The following SLCO3A1 variants were observed in gnomAD, a reference collection of about 807,000 sequenced individuals.
SLCO3A1 encodes the protein PGE1 transporter.
A neutral mutation model predicts 63.1 loss-of-function variants in SLCO3A1; 27 were observed. The ratio of observed to expected loss-of-function variants is 0.43; its 90% CI spans 0.32 to 0.59. SLCO3A1 has a LOEUF of 0.59. Ranked by LOEUF, SLCO3A1 falls within the 20% of genes least tolerant of loss-of-function variation. The probability of loss-of-function intolerance (pLI) is 0.09; values close to 1 mark genes in which losing one functional copy is unlikely to be tolerated. For missense variants in SLCO3A1, 773 were observed against 945.8 expected (o/e 0.82, Z 2.40); for synonymous variants, 473 against 409.9 (o/e 1.15, Z -1.86).
intron 2 of SLCO3A1, among the ~76,000 whole-genome samples, chr15:91,934,526 GCCAGTATTCCCTGATGCATTTACT>G (rs1763927254): frequency 6.6e-6 from 1 of 152,202 alleles, no homozygotes; most frequent in South Asian, 2.1e-4. Flanking sequence ...TAATACATTT[GCCAGTATTCCCTGATGCATTTACT>G]CCAGGTTTTG....
At chr15:91,880,034 A>G (rs939264919) in intron 1 of SLCO3A1, among the ~76,000 whole-genome samples, 2 of 152,034 alleles carry the variant, frequency 1.3e-5, no homozygotes, top group Non-Finnish European at 2.9e-5. Context: ...TCTTTCATTT[A>G]GTCTCCTTGG....
At chr15:92,156,134 G>A (rs1482581581) in intron 9 of SLCO3A1, among the ~76,000 whole-genome samples, 1 of 152,174 alleles carries the variant, frequency 6.6e-6, no homozygotes, top group Non-Finnish European at 1.5e-5. Flanking sequence ...GCATCGTCTT[G>A]CATATGCCAA....
At position 91,854,091 on chromosome 15, in the gene SLCO3A1, G is replaced by T; in HGVS notation, c.180+3G>T. ...AGGGCACGGTGGGCGCCTACCTGGT[G>T]AGTCCCCGAGCCAACTCCGCCGCGG... is the stretch of plus-strand genomic sequence containing the variant. On this transcript the variant is annotated splice_donor_region_variant and intron_variant, in intron 1 of 9. Transcript: ENST00000318445. The surrounding 1 kb of genome is among the most constrained non-coding windows in gnomAD (Gnocchi z 6.4). The T allele has an allele frequency of 6.6e-7, 1 of 1,515,470 alleles. No homozygotes were observed. 93.9% of individuals were successfully genotyped at this position (1,515,470 alleles called of 1,614,324 possible).
At position 92,164,452 on chromosome 15, in the gene SLCO3A1, C is replaced by T. The variant is rs535219997; in HGVS notation, c.*1317C>T. 7.4e-5 allele frequency: 73 copies of T among 985,396 alleles called. No individual in the cohort carries two copies. The South Asian group carries it at 2.1e-3, about 29-fold the overall frequency. 61.0% of individuals were successfully genotyped at this position (985,396 alleles called of 1,614,324 possible). A position where few individuals can be genotyped will look rare whatever the true frequency, so the allele number is the denominator to read the frequency against. On this transcript the variant is annotated 3_prime_UTR_variant, in exon 10 of 10. Transcript: ENST00000318445. Reference sequence around the variant, plus strand: ...CCCCATGATTCAGTGATCACTGTCACGGGAAACCCTTTTATATTCATGCTT... The same window carrying T: ...CCCCATGATTCAGTGATCACTGTCATGGGAAACCCTTTTATATTCATGCTT...
At chr15:91,959,054 T>C (rs893688997) in intron 2 of SLCO3A1, among the ~76,000 whole-genome samples, 11 of 152,106 alleles carry the variant, frequency 7.2e-5, no homozygotes, top group African/African-American at 2.7e-4. Flanking sequence ...ATAAAGAAAA[T>C]GTGGCATATA....
intron 2 of SLCO3A1, among the ~76,000 whole-genome samples, chr15:92,026,290 T>G (rs2046573018): frequency 6.6e-6 from 1 of 152,108 alleles, no homozygotes; most frequent in Non-Finnish European, 1.5e-5. Context: ...ATCTGCAAAG[T>G]GAAGGAAAGA....
intron 1 of SLCO3A1, among the ~76,000 whole-genome samples, chr15:91,855,778 A>G (rs1231523160): frequency 6.6e-6 from 1 of 152,162 alleles, no homozygotes; most frequent in Non-Finnish European, 1.5e-5. Flanking sequence ...TGACATATGC[A>G]AAGTACATAA....
chr15:91,951,600 G>A (rs1900003274), intron 2 of SLCO3A1, among the ~76,000 whole-genome samples: 1 of 147,448 alleles, frequency 6.8e-6, no homozygotes, highest in African/African-American at 2.5e-5. Context: ...TTGTCATCCA[G>A]GCTGGAGTGC....
At chr15:91,931,206 C>T (rs963055091) in intron 2 of SLCO3A1, among the ~76,000 whole-genome samples, 9 of 152,162 alleles carry the variant, frequency 5.9e-5, no homozygotes, top group African/African-American at 1.2e-4. Flanking sequence ...CACGTAAACT[C>T]GGTTTTTCAT....
rs1900224328 is a variant in SLCO3A1 at position 91,957,024 on chromosome 15, A to AT, written c.646+40567dup. 6.1e-3 allele frequency among the ~76,000 whole-genome samples: 93 copies of AT among 15,348 alleles called. 41 individuals carry two copies. Among genetic ancestry groups the AT allele is most frequent in the South Asian group, 0.014 (6 of 422 alleles). The allele number at this position is 15,348 out of a possible 152,430, so 10.1% of individuals were successfully genotyped here. A position where few individuals can be genotyped will look rare whatever the true frequency, so the allele number is the denominator to read the frequency against. ...ATTATATATATAATATATAGTATATATAATATATAATATATAGTATATATA... is the reference window on the plus strand; with the variant it reads ...ATTATATATATAATATATAGTATATATTAATATATAATATATAGTATATATA... On this transcript the variant is annotated intron_variant, in intron 2 of 9. Transcript: ENST00000318445.
At chr15:92,096,208 A>T (rs207973) in intron 3 of SLCO3A1, among the ~76,000 whole-genome samples, 1 of 151,948 alleles carries the variant, frequency 6.6e-6, no homozygotes, top group Non-Finnish European at 1.5e-5. Context: ...ATGGGCCCAC[A>T]GGAGGGGACT....
In SLCO3A1 at chr15:91,854,581, C is replaced by T. The variant is rs1896864783; in HGVS notation, c.180+493C>T. The stretch of plus-strand genomic sequence containing the variant: ...TTCTCCGGGCGCTTTCTACATCCGC[C>T]AATTACAGGGGGATATAACAGCTTA... On this transcript the variant is annotated intron_variant, in intron 1 of 9. Transcript: ENST00000318445. This position sits in a 1 kb window ranked among gnomAD's most constrained non-coding sequence, Gnocchi z 6.4. Among the ~76,000 whole-genome samples, 1 of 152,112 alleles carries T rather than the reference C, an allele frequency of 6.6e-6. No homozygotes were observed. Among genetic ancestry groups the T allele is most frequent in the Non-Finnish European group, 1.5e-5 (1 of 68,018 alleles).
Position 92,088,992 on chromosome 15 carries a change from CTTTA to C in SLCO3A1, c.647-5874_647-5871del, listed in dbSNP as rs201055504. On this transcript the variant is annotated intron_variant, in intron 2 of 9. Transcript: ENST00000318445. ...ACCCCTGTGAGTCCACTTACCCCAGCTTTATTTATTTATTTATTATTTATTTATT... is the reference window on the plus strand; with the variant it reads ...ACCCCTGTGAGTCCACTTACCCCAGCTTTATTTATTTATTATTTATTTATT... Among the ~76,000 whole-genome samples the C allele has an allele frequency of 9.4e-5, 14 of 149,644 alleles. No homozygotes were observed. In the East Asian group the frequency reaches 1.2e-3, roughly 13 times the overall value.
rs1039791524 is a variant in SLCO3A1, at chr15:91,932,712, A to G, written c.646+16254A>G. Among the ~76,000 whole-genome samples, 3 of 152,288 alleles carry G rather than the reference A, an allele frequency of 2.0e-5. No individual in the cohort carries two copies. The East Asian group carries it at 5.8e-4, about 29-fold the overall frequency. On this transcript the variant is annotated intron_variant, in intron 2 of 9. Coordinates refer to ENST00000318445, the MANE Select transcript of SLCO3A1 (RefSeq NM_013272.4). ...CCTGCCTCGGCCTCCCAAAGTGCTG[A>G]GATTACAGGCGTGAGCCACCGTGCC...
intron 1 of SLCO3A1, among the ~76,000 whole-genome samples, chr15:91,902,295 C>A (rs991179997): frequency 1.3e-5 from 2 of 152,054 alleles, no homozygotes; most frequent in African/African-American, 4.8e-5. Flanking sequence ...CTCCTAGGCT[C>A]AAGTGATTCT....
intron 2 of SLCO3A1, among the ~76,000 whole-genome samples, chr15:92,045,724 G>C (rs2046853095): frequency 6.6e-6 from 1 of 152,078 alleles, no homozygotes; most frequent in South Asian, 2.1e-4. Flanking sequence ...AGAATTTTTT[G>C]TAATGCAGAG....
intron 2 of SLCO3A1, among the ~76,000 whole-genome samples, chr15:92,022,857 G>T (rs28496362): frequency 0.33 from 49,267 of 151,490 alleles, 9,120 homozygotes; most frequent in African/African-American, 0.5. Flanking sequence ...AGAAAAGGCA[G>T]GGGCACTGGG....
intron 1 of SLCO3A1, among the ~76,000 whole-genome samples, chr15:91,871,305 G>A (rs1366737797): frequency 6.6e-6 from 1 of 152,132 alleles, no homozygotes; most frequent in South Asian, 2.1e-4. Context: ...GCTAGATGTG[G>A]TCTTGGCAGC....
intron 2 of SLCO3A1, among the ~76,000 whole-genome samples, chr15:92,031,535 T>C (rs2046648305): frequency 6.6e-6 from 1 of 152,190 alleles, no homozygotes. Flanking sequence ...ATCCCTGACC[T>C]TGACTGTCTT....
Sources: gnomAD v4.1 joint callset for allele counts (sites outside exome capture counted in the v4.1 genomes callset) on GRCh38, gnomAD v4.1.1 for gene constraint, Gnocchi (gnomAD v3.1) non-coding constraint, MANE v1.5 for transcripts, NCBI Gene and HGNC (gene_info 2026-07-23, HGNC 2026-07-21) for gene names.